Variants in CNTN5 observed in about 807,000 individuals in gnomAD.
CNTN5 encodes the protein contactin 5.
In CNTN5, 77 loss-of-function variants were observed where a neutral mutation model predicts 129.1. That is an observed-to-expected ratio of 0.60 (90% CI 0.50 to 0.72). The LOEUF (loss-of-function observed/expected upper bound fraction) is 0.72, where lower values mean the gene tolerates loss of function less well. CNTN5 is among the 30% of genes least tolerant of loss of function. CNTN5 has a pLI of 0.00. For synonymous variants in CNTN5, 509 were observed against 465.6 expected, an observed-to-expected ratio of 1.09 and a Z score of -1.20; for missense variants, 1,478 against 1,328.8, an observed-to-expected ratio of 1.11 and a Z score of -1.75.
At chr11:99,550,059 A>G (rs531085039) in intron 2 of CNTN5, among the ~76,000 whole-genome samples, 94 of 152,282 alleles carry the variant, frequency 6.2e-4, no homozygotes, top group Non-Finnish European at 8.8e-4. Flanking sequence ...TTAAAAGAGT[A>G]AGAAAAACTG....
In CNTN5 at chr11:99,976,452, A is replaced by C. The variant is rs1469847859; in HGVS notation, c.877+19443A>C. Among the ~76,000 whole-genome samples, 3 of 152,272 alleles carry C rather than the reference A, an allele frequency of 2.0e-5. No homozygotes were observed. In the South Asian group the frequency reaches 6.2e-4, roughly 32 times the overall value. ...CATTGCCCAGTAGAGATGTTCTATGAGGTCTCCACCCCTGCGTCAGACATC... is the reference window on the plus strand; with the variant it reads ...CATTGCCCAGTAGAGATGTTCTATGCGGTCTCCACCCCTGCGTCAGACATC... On this transcript the variant is annotated intron_variant, in intron 8 of 24. Transcript: ENST00000524871.
intron 1 of CNTN5, among the ~76,000 whole-genome samples, chr11:99,152,042 G>T (rs1307579427): frequency 2.0e-5 from 3 of 152,092 alleles, no homozygotes; most frequent in Non-Finnish European, 4.4e-5. Context: ...TAATGAAAAA[G>T]TAGTAGGAAT....
intron 18 of CNTN5, among the ~76,000 whole-genome samples, chr11:100,295,968 C>T (rs1447803092): frequency 1.5e-4 from 22 of 151,258 alleles, no homozygotes; most frequent in African/African-American, 4.4e-4. Flanking sequence ...CTAAGAGAAG[C>T]AGTAATGGCA....
At chr11:99,242,445 G>A (rs1861607997) in intron 1 of CNTN5, among the ~76,000 whole-genome samples, 2 of 151,950 alleles carry the variant, frequency 1.3e-5, no homozygotes, top group South Asian at 4.1e-4. Context: ...TCTGTCTCCT[G>A]CCACAAGAAT....
At chr11:99,027,615 T>A (rs1006223095) in intron 1 of CNTN5, among the ~76,000 whole-genome samples, 3 of 151,702 alleles carry the variant, frequency 2.0e-5, no homozygotes, top group Admixed American at 2.0e-4. Flanking sequence ...ATTTTAATAA[T>A]GTCATATAAA....
chr11:99,252,693 A>C (rs1462821947), intron 1 of CNTN5, among the ~76,000 whole-genome samples: 2 of 151,986 alleles, frequency 1.3e-5, no homozygotes, highest in Non-Finnish European at 2.9e-5. Flanking sequence ...CTAGTTACTA[A>C]TCAATTAAAT....
intron 6 of CNTN5, among the ~76,000 whole-genome samples, chr11:99,898,315 A>G (rs1949263300): frequency 1.3e-5 from 2 of 151,944 alleles, no homozygotes; most frequent in South Asian, 4.1e-4. Flanking sequence ...ATAGAATGCT[A>G]GCTAGCCTAA....
chr11:99,300,573 T>G (rs1272429494), intron 1 of CNTN5, among the ~76,000 whole-genome samples: 3 of 152,134 alleles, frequency 2.0e-5, no homozygotes, highest in Non-Finnish European at 4.4e-5. Flanking sequence ...TGCCTGTAGT[T>G]TCTTTTCAAT....
At chr11:99,726,842 C>G (rs1369981688) in intron 3 of CNTN5, among the ~76,000 whole-genome samples, 4 of 152,050 alleles carry the variant, frequency 2.6e-5, no homozygotes, top group Non-Finnish European at 5.9e-5. Context: ...TAGTGCTTTT[C>G]CACCTCATCA....
At chr11:99,295,496 G>A (rs1486544010) in intron 1 of CNTN5, among the ~76,000 whole-genome samples, 2 of 152,154 alleles carry the variant, frequency 1.3e-5, no homozygotes, top group Non-Finnish European at 2.9e-5. Context: ...TCTAAACCAT[G>A]GAAAAAGAGC....
At chr11:99,065,036 T>TA (rs1204975074) in intron 1 of CNTN5, among the ~76,000 whole-genome samples, 3 of 152,116 alleles carry the variant, frequency 2.0e-5, no homozygotes, top group Non-Finnish European at 4.4e-5. Context: ...TTTCCTATTT[T>TA]AAAAAAGTTT....
intron 20 of CNTN5, among the ~76,000 whole-genome samples, chr11:100,306,723 A>G (rs1008521276): frequency 2.0e-5 from 3 of 151,734 alleles, no homozygotes; most frequent in African/African-American, 7.2e-5. Flanking sequence ...TCTGGTAATC[A>G]GAATTCTAGA....
At chr11:99,301,965 T>C (rs948837811) in intron 1 of CNTN5, among the ~76,000 whole-genome samples, 2 of 151,396 alleles carry the variant, frequency 1.3e-5, no homozygotes, top group African/African-American at 4.8e-5. Context: ...AAAAACACAC[T>C]ACTAAAAAAA....
intron 13 of CNTN5, among the ~76,000 whole-genome samples, chr11:100,119,258 A>C (rs1178363545): frequency 6.6e-6 from 1 of 151,898 alleles, no homozygotes; most frequent in African/African-American, 2.4e-5. Flanking sequence ...AACACATATT[A>C]CTACAGCCAA....
In CNTN5 at chr11:100,356,364, A is replaced by AG. The variant is rs1192869458; in HGVS notation, c.*150dup. ...ATACATGGTGAACTTACAGGAGGTTAGGGGGGAAATATTACTTATCCATCA... is the reference window on the plus strand; with the variant it reads ...ATACATGGTGAACTTACAGGAGGTTAGGGGGGGAAATATTACTTATCCATCA... On this transcript the variant is annotated 3_prime_UTR_variant, in exon 25 of 25. Transcript: ENST00000524871. 2 of 635,922 alleles carry AG rather than the reference A, an allele frequency of 3.1e-6. No homozygotes were observed. Among genetic ancestry groups the AG allele is most frequent in the East Asian group, 5.5e-5 (2 of 36,548 alleles). The allele number at this position is 635,922 out of a possible 1,614,324, so 39.4% of individuals were successfully genotyped here. A position where few individuals can be genotyped will look rare whatever the true frequency, so the allele number is the denominator to read the frequency against.
intron 6 of CNTN5, among the ~76,000 whole-genome samples, chr11:99,893,867 A>G (rs1302866958): frequency 4.6e-5 from 7 of 152,166 alleles, no homozygotes; most frequent in Non-Finnish European, 1.0e-4. Flanking sequence ...CAAATAATAT[A>G]TAGTTTTTAA....
intron 19 of CNTN5, among the ~76,000 whole-genome samples, chr11:100,298,878 A>C (rs1022919329): frequency 6.6e-6 from 1 of 151,430 alleles, no homozygotes; most frequent in Admixed American, 6.6e-5. Context: ...CATTTCATAT[A>C]CATGACTAAT....
chr11:100,081,696 C>T (rs7934630), intron 13 of CNTN5, among the ~76,000 whole-genome samples: 13,482 of 152,044 alleles, frequency 0.089, 1,232 homozygotes, highest in African/African-American at 0.24. Context: ...TATGTAATTC[C>T]GTGTACTACT....
chr11:99,530,427 A>T (rs1345127941), intron 2 of CNTN5, among the ~76,000 whole-genome samples: 2 of 152,104 alleles, frequency 1.3e-5, no homozygotes, highest in East Asian at 1.9e-4. Context: ...ACAATAACAA[A>T]CACTTATTGA....
Sources: gnomAD v4.1 joint callset for allele counts (sites outside exome capture counted in the v4.1 genomes callset) on GRCh38, gnomAD v4.1.1 for gene constraint, MANE v1.5 for transcripts, NCBI Gene and HGNC (gene_info 2026-07-23, HGNC 2026-07-21) for gene names.